Variants in TNXB observed in about 807,000 individuals in gnomAD.
TNXB encodes the protein tenascin-X.
TNXB carries 183 observed loss-of-function variants against 340.5 expected under a neutral mutation model. The ratio of observed to expected loss-of-function variants is 0.54; its 90% CI spans 0.48 to 0.61. The LOEUF (loss-of-function observed/expected upper bound fraction) is 0.61. Among genes scored for constraint, TNXB ranks in the 20% least tolerant of loss-of-function variants. TNXB has a pLI of 0.00. For missense variants in TNXB, 4,613 were observed against 5,446.4 expected, an observed-to-expected ratio of 0.85 and a Z score of 4.82; for synonymous variants, 2,121 against 2,314.5, an observed-to-expected ratio of 0.92 and a Z score of 2.40.
chr6:32,053,638 G>A lies in TNXB; in HGVS notation c.8541C>T (p.Leu2847=), dbSNP rs777001090. The A allele has an allele frequency of 1.6e-5, 26 of 1,613,424 alleles. No homozygotes were observed. The Middle Eastern group carries it at 6.6e-4, about 41-fold the overall frequency. ...TGGCATCTGTCACGGTCAGCTCCCC[G>A]AGGCGAGGCTTGTTGGGGGGCTCAG... ...TTPEPPNKPR[L]GELTVTDATP... Residue 2847 remains leucine (L), a synonymous_variant, in exon 25 of 44, where the codon CTC becomes CTT. Coordinates refer to ENST00000644971, the MANE Select transcript of TNXB (RefSeq NM_001365276.2).
At position 32,053,492 on chromosome 6, in the gene TNXB, C is replaced by A. The variant is rs778446749; in HGVS notation, c.8687G>T (p.Gly2896Val). 16 of 1,613,322 alleles carry A rather than the reference C, an allele frequency of 9.9e-6. No homozygotes were observed. In the South Asian group the frequency reaches 1.8e-4, roughly 18 times the overall value. ...TGGCTCCAGGCCTGAGATGGTGACCCCGTCCTCGTGCCCCGGCACCCGCAC... is the reference window on the plus strand; with the variant it reads ...TGGCTCCAGGCCTGAGATGGTGACCACGTCCTCGTGCCCCGGCACCCGCAC... Reference protein sequence around the residue: ...KVVRVPGHEDGVTISGLEPDH... With the variant: ...KVVRVPGHEDVVTISGLEPDH... Residue 2896 changes from glycine to valine, a missense_variant, in exon 25 of 44, where the codon GGG becomes GTG. By Grantham distance (109) the Gly-to-Val change is moderately radical (BLOSUM62 -3). This residue lies in a region of TNXB where 4,327 missense variants were observed against 4,859.4 expected (regional missense o/e 0.89). Coordinates refer to ENST00000644971, the MANE Select transcript of TNXB (RefSeq NM_001365276.2).
rs149933097 is a variant in TNXB at position 32,046,756 on chromosome 6, C to A, written c.10325-300G>T. The A allele has an allele frequency of 6.0e-5, 20 of 331,074 alleles. No individual in the cohort carries two copies. The highest frequency in any genetic ancestry group is 3.9e-4 in the African/African-American group (19 of 48,114). 20.5% of individuals were successfully genotyped at this position (331,074 alleles called of 1,614,324 possible). A position where few individuals can be genotyped will look rare whatever the true frequency, so the allele number is the denominator to read the frequency against. On this transcript the variant is annotated intron_variant, in intron 30 of 43. Transcript: ENST00000644971. The surrounding 1 kb of genome is among the most constrained non-coding windows in gnomAD (Gnocchi z 6.9). Reference sequence around the variant, plus strand: ...CCCGAGGGATGGGTGGCTGGGGGTGCAGAGAGGGCCTTTGTTTACCCTGAC... The same window carrying A: ...CCCGAGGGATGGGTGGCTGGGGGTGAAGAGAGGGCCTTTGTTTACCCTGAC...
Position 32,079,510 on chromosome 6 carries a change from G to GT in TNXB, c.4043-146_4043-145insA. 1 of 718,066 alleles carries GT rather than the reference G, an allele frequency of 1.4e-6. No individual in the cohort carries two copies. Among genetic ancestry groups the GT allele is most frequent in the Non-Finnish European group, 2.2e-6 (1 of 444,480 alleles). The allele number at this position is 718,066 out of a possible 1,614,324, so 44.5% of individuals were successfully genotyped here. A position where few individuals can be genotyped will look rare whatever the true frequency, so the allele number is the denominator to read the frequency against. ...ATTCGGTCACTCACGGATGGAGAAGGCTGAGACAGCCCTTGCCCCATCCTG... is the reference window on the plus strand; with the variant it reads ...ATTCGGTCACTCACGGATGGAGAAGGTCTGAGACAGCCCTTGCCCCATCCTG... On this transcript the variant is annotated intron_variant, in intron 10 of 43. Transcript: ENST00000644971. The surrounding 1 kb of genome is among the most constrained non-coding windows in gnomAD (Gnocchi z 7.1).
Position 32,075,947 on chromosome 6 carries a change from C to A in TNXB, c.4376-1995G>T, listed in dbSNP as rs1377015655. On this transcript the variant is annotated intron_variant, in intron 11 of 43. Transcript: ENST00000644971. The surrounding 1 kb of genome is among the most constrained non-coding windows in gnomAD (Gnocchi z 4.6). ...GCAAGTGACAACTGCTTAAAACAGG[C>A]TGGTGACCAGGCCTCGGGCAGACAG... Among the ~76,000 whole-genome samples the A allele has an allele frequency of 6.6e-6, 1 of 152,202 alleles. No homozygotes were observed. Among genetic ancestry groups the A allele is most frequent in the Admixed American group, 6.5e-5 (1 of 15,278 alleles).
In TNXB at chr6:32,047,985, A is replaced by G. The variant is rs933217824; in HGVS notation, c.10073T>C (p.Leu3358Pro). ...CGCATCTGTCACAGTCAGCTCCCCC[A>G]GGCGGGGAGACGGTTTGGTGTCTGG... ...TAPDTKPSPR[L>P]GELTVTDATP... Residue 3358 changes from leucine to proline, a missense_variant, in exon 30 of 44, where the codon CTG (leucine) becomes CCG (proline). By Grantham distance (98) the Leu-to-Pro change is moderately conservative (BLOSUM62 -3). Coordinates refer to ENST00000644971, the MANE Select transcript of TNXB (RefSeq NM_001365276.2). The surrounding 1 kb of genome is among the most constrained non-coding windows in gnomAD (Gnocchi z 6.2). The G allele has an allele frequency of 1.9e-6, 3 of 1,609,510 alleles. No homozygotes were observed. Among genetic ancestry groups the G allele is most frequent in the Non-Finnish European group, 2.5e-6 (3 of 1,178,340 alleles).
At chr6:32,098,327 T>A in intron 1 of TNXB, 121 bp from the exon 2 acceptor site, 1 of 833,048 alleles carries the variant, frequency 1.2e-6, no homozygotes. Context: ...CTCACATGCA[T>A]GTAAAAATTC....
At position 32,073,647 on chromosome 6, in the gene TNXB, C is replaced by G; in HGVS notation, c.4681G>C (p.Ala1561Pro). 1 of 1,605,238 alleles carries G rather than the reference C, an allele frequency of 6.2e-7. No individual in the cohort carries two copies. The highest frequency in any genetic ancestry group is 2.2e-5 in the East Asian group (1 of 44,780). ...MGPLSVVIVT[A>P]PLPPAPATEA... ...AGGACTGAGTCCCCCCATTACTCACCCGTCACGATGACCACAGACAGGGGG... is the reference window on the plus strand; with the variant it reads ...AGGACTGAGTCCCCCCATTACTCACGCGTCACGATGACCACAGACAGGGGG... The change falls in exon 12 of 44, where the codon GCT (alanine) becomes CCT (proline). Residue 1561 changes from alanine (A) to proline (P), a missense_variant and splice_region_variant. Ala to Pro is a conservative substitution (Grantham distance 27). Around this residue, in one of 7 missense-constraint regions of TNXB, gnomAD observed 4,327 missense variants for 4,859.4 expected, o/e 0.89. Transcript: ENST00000644971. This position sits in a 1 kb window ranked among gnomAD's most constrained non-coding sequence, Gnocchi z 4.6.
intron 11 of TNXB, among the ~76,000 whole-genome samples, chr6:32,076,351 A>G (rs1779079995): frequency 1.3e-5 from 2 of 152,310 alleles, no homozygotes; most frequent in Non-Finnish European, 2.9e-5. Context: ...TGGCAACTGC[A>G]CTGTGTGTGC....
At chr6:32,053,250 C>T in intron 25 of TNXB, 138 bp downstream of exon 25, 6 of 1,384,776 alleles carry the variant, frequency 4.3e-6, no homozygotes, top group Non-Finnish European at 5.9e-6. Context: ...TCTGTCAGTC[C>T]TCAGGGAAGT....
chr6:32,049,535 AGGGGCCTCC>A lies in TNXB; in HGVS notation c.9483_9491del (p.Ala3163_Glu3165del), dbSNP rs747283446. The A allele has an allele frequency of 5.0e-6, 8 of 1,612,440 alleles. No homozygotes were observed. Among genetic ancestry groups the A allele is most frequent in the Non-Finnish European group, 5.1e-6 (6 of 1,179,814 alleles). Reference sequence around the variant, plus strand: ...TCAACTCCCCCAGGAGCGGCTCCTCAGGGGCCTCCGGGGCCTCAGTGCTGGGTTCTGTGG... The same window carrying A: ...TCAACTCCCCCAGGAGCGGCTCCTCAGGGGCCTCAGTGCTGGGTTCTGTGG... On this transcript the variant is annotated inframe_deletion, in exon 28 of 44. Transcript: ENST00000644971. The surrounding 1 kb of genome is among the most constrained non-coding windows in gnomAD (Gnocchi z 4.5).
chr6:32,088,603 CT>C (rs1779924671), intron 6 of TNXB, among the ~76,000 whole-genome samples, 181 bp downstream of exon 6: 3 of 152,206 alleles, frequency 2.0e-5, no homozygotes, highest in Non-Finnish European at 4.4e-5. Context: ...CTCCAGGCAT[CT>C]GAGGGCTCTG....
chr6:32,093,862 G>A (rs567099976), intron 4 of TNXB, among the ~76,000 whole-genome samples: 12 of 152,122 alleles, frequency 7.9e-5, no homozygotes, highest in African/African-American at 2.7e-4. Flanking sequence ...GGCTGAGGCG[G>A]GCAGATCACT....
At chr6:32,094,636 G>A (rs1056365516) in intron 4 of TNXB, among the ~76,000 whole-genome samples, 2 of 152,208 alleles carry the variant, frequency 1.3e-5, no homozygotes, top group Non-Finnish European at 2.9e-5. Flanking sequence ...GGGAGGTTTT[G>A]CCTGAGGAAT....
intron 1 of TNXB, among the ~76,000 whole-genome samples, chr6:32,100,866 G>A (rs1214172142): frequency 3.3e-5 from 5 of 151,950 alleles, no homozygotes; most frequent in Non-Finnish European, 5.9e-5. Flanking sequence ...CGGATCATGA[G>A]GTCAAGAGTT....
chr6:32,087,186 G>T lies in TNXB; in HGVS notation c.2780-1068C>A. 2.1e-6 allele frequency: 1 copy of T among 466,630 alleles called. No homozygotes were observed. Among genetic ancestry groups the T allele is most frequent in the Non-Finnish European group, 4.3e-6 (1 of 232,544 alleles). 28.9% of individuals were successfully genotyped at this position (466,630 alleles called of 1,614,324 possible). On this transcript the variant is annotated intron_variant, in intron 6 of 43. Coordinates refer to ENST00000644971, the MANE Select transcript of TNXB (RefSeq NM_001365276.2). This position sits in a 1 kb window ranked among gnomAD's most constrained non-coding sequence, Gnocchi z 9.0. ...GTGGCAGTGGGAGGAATTCATGAAT[G>T]CAGGCTCCAACGGCAGGTGAGGCTG...
At chr6:32,106,711 G>A (rs1179281979) in intron 1 of TNXB, among the ~76,000 whole-genome samples, 1 of 152,158 alleles carries the variant, frequency 6.6e-6, no homozygotes, top group South Asian at 2.1e-4. Flanking sequence ...CATACAGAGA[G>A]CTGCCCTTTC....
rs866956486 is a variant in TNXB, at chr6:32,096,931, C to T, written c.922G>A (p.Val308Met). ...NPGYTGEDCG[V>M]RSCPRGCSQR... ...CTGCAGCCCCGAGGGCAGCTCCTCA[C>T]CCCACAGTCCTCGCCAGTGTAGCCG... Residue 308 changes from valine to methionine, a missense_variant, in exon 3 of 44, where the codon GTG becomes ATG. Physicochemically the swap from Val to Met is conservative, Grantham distance 21. Around this residue, in one of 7 missense-constraint regions of TNXB, gnomAD observed 4,327 missense variants for 4,859.4 expected, o/e 0.89. Coordinates refer to ENST00000644971, the MANE Select transcript of TNXB (RefSeq NM_001365276.2). 1 of 1,576,522 alleles carries T rather than the reference C, an allele frequency of 6.3e-7. No individual in the cohort carries two copies. The highest frequency in any genetic ancestry group is 8.7e-7 in the Non-Finnish European group (1 of 1,150,222).
chr6:32,055,832 C>T lies in TNXB; in HGVS notation c.8467+19G>A. The T allele has an allele frequency of 1.3e-6, 2 of 1,597,550 alleles. No homozygotes were observed. The highest frequency in any genetic ancestry group is 3.4e-5 in the Admixed American group (2 of 59,098). Reference sequence around the variant, plus strand: ...AGCAACATCTTCTAGGGCCATCTTCCTCACTCACAAACACTCACCTGTCAC... The same window carrying T: ...AGCAACATCTTCTAGGGCCATCTTCTTCACTCACAAACACTCACCTGTCAC... On this transcript the variant is annotated intron_variant, in intron 24 of 43. Coordinates refer to ENST00000644971, the MANE Select transcript of TNXB (RefSeq NM_001365276.2).
intron 23 of TNXB, 83 bp downstream of exon 23, chr6:32,056,503 C>A: frequency 6.4e-7 from 1 of 1,552,650 alleles, no homozygotes; most frequent in Non-Finnish European, 8.7e-7. Flanking sequence ...GGACCCCTGG[C>A]CCATTCCCCA....
Sources: gnomAD v4.1 joint callset for allele counts (sites outside exome capture counted in the v4.1 genomes callset) on GRCh38, gnomAD v4.1.1 for gene constraint, gnomAD v4.1.1 regional missense constraint, Gnocchi (gnomAD v3.1) non-coding constraint, MANE v1.5 for transcripts, NCBI Gene and HGNC (gene_info 2026-07-23, HGNC 2026-07-21) for gene names.